The following RAB3IL1 variants were observed in gnomAD, a reference collection of about 807,000 sequenced individuals.
RAB3IL1 encodes guanine nucleotide exchange factor for Rab-3A.
In RAB3IL1, 37 loss-of-function variants were observed where a neutral mutation model predicts 49.2. That is an observed-to-expected ratio of 0.75 (90% CI 0.58 to 0.99). The LOEUF (loss-of-function observed/expected upper bound fraction) is 0.99, where lower values mean the gene tolerates loss of function less well. Among genes scored for constraint, RAB3IL1 ranks in the 50% least tolerant of loss-of-function variants. RAB3IL1 has a pLI of 0.00. For synonymous variants in RAB3IL1, 193 were observed against 213.9 expected (o/e 0.90, Z 0.85); for missense variants, 484 against 513.0 (o/e 0.94, Z 0.55).
At chr11:61,930,115 C>T in the RAB3IL1 span, among the ~76,000 whole-genome samples, 2 of 151,830 alleles carry the variant, frequency 1.3e-5, no homozygotes, top group African/African-American at 2.4e-5. Flanking sequence ...AGGCTGGTCT[C>T]AAACTCCTGG....
intron 8 of RAB3IL1, among the ~76,000 whole-genome samples, chr11:61,901,259 C>T (rs567072166): frequency 3.5e-4 from 53 of 152,304 alleles, no homozygotes; most frequent in African/African-American, 1.3e-3. Flanking sequence ...CCCCTCAATC[C>T]TCTTAAGAGT....
chr11:61,915,059 GC>G (rs2134354257), intron 1 of RAB3IL1, among the ~76,000 whole-genome samples: 1 of 152,230 alleles, frequency 6.6e-6, no homozygotes, highest in African/African-American at 2.4e-5. Flanking sequence ...CAAATGGGGG[GC>G]CATAAAAATA....
At chr11:61,929,412 C>T in the RAB3IL1 span, among the ~76,000 whole-genome samples, 3 of 149,984 alleles carry the variant, frequency 2.0e-5, no homozygotes, top group African/African-American at 7.3e-5. Flanking sequence ...GGCTGAGACA[C>T]AAGAATCGAT....
chr11:61,916,827 G>C (rs1295722866), intron 1 of RAB3IL1, among the ~76,000 whole-genome samples: 1 of 152,100 alleles, frequency 6.6e-6, no homozygotes, highest in Non-Finnish European at 1.5e-5. Context: ...CCCACTCCAG[G>C]CTGCGGGGCC....
the RAB3IL1 span, among the ~76,000 whole-genome samples, chr11:61,939,125 A>G: frequency 1.5e-4 from 23 of 152,178 alleles, no homozygotes; most frequent in South Asian, 4.8e-3. Flanking sequence ...AGGATAGACC[A>G]TATGTTAGAC....
the RAB3IL1 span, among the ~76,000 whole-genome samples, chr11:61,940,856 G>T: frequency 1.3e-5 from 2 of 151,920 alleles, no homozygotes; most frequent in African/African-American, 2.4e-5. Context: ...GGAGGTGGAG[G>T]TTGCAGTGAG....
chr11:61,899,236 G>T, intron 9 of RAB3IL1, 78 bp downstream of exon 9: 1 of 1,466,708 alleles, frequency 6.8e-7, no homozygotes, highest in South Asian at 1.2e-5. Flanking sequence ...ACTAGGGGCA[G>T]GTGGGCCCAG....
At chr11:61,920,453 A>C (rs951700604), upstream of RAB3IL1, among the ~76,000 whole-genome samples, 3 of 151,428 alleles carry the variant, frequency 2.0e-5, no homozygotes, top group African/African-American at 7.3e-5. Context: ...AGACACCTCT[A>C]GGGGAGGCCC....
chr11:61,901,088 G>A lies in RAB3IL1; in HGVS notation c.999+1354C>T, dbSNP rs114927829. Among the ~76,000 whole-genome samples, 683 of 152,198 alleles carry A rather than the reference G, an allele frequency of 4.5e-3. 5 individuals are homozygous for A. The highest frequency in any genetic ancestry group is 0.016 in the African/African-American group (652 of 41,524). Reference sequence around the variant, plus strand: ...CACACCGCTGGGAGGACTCACGCTCGGATGCCTTGTGGAGTTCATCAAGGA... The same window carrying A: ...CACACCGCTGGGAGGACTCACGCTCAGATGCCTTGTGGAGTTCATCAAGGA... On this transcript the variant is annotated intron_variant, in intron 8 of 9. Transcript: ENST00000394836.
At chr11:61,917,270 C>A in intron 1 of RAB3IL1, 87 bp downstream of exon 1, 2 of 1,337,116 alleles carry the variant, frequency 1.5e-6, no homozygotes, top group Non-Finnish European at 1.9e-6. Flanking sequence ...GCGGCGCAGA[C>A]CCGGCGGGGA....
the RAB3IL1 span, among the ~76,000 whole-genome samples, chr11:61,934,426 A>ATGTGTG: frequency 6.9e-3 from 288 of 41,542 alleles, 3 homozygotes; most frequent in African/African-American, 0.017. Context: ...ATATATGTGT[A>ATGTGTG]TGTGTGTGTG....
At chr11:61,915,387 A>G (rs1939634053) in intron 1 of RAB3IL1, among the ~76,000 whole-genome samples, 1 of 152,128 alleles carries the variant, frequency 6.6e-6, no homozygotes, top group Non-Finnish European at 1.5e-5. Context: ...GGTGGCTCTC[A>G]GCTGTGTCTG....
chr11:61,912,079 C>T (rs1256097292), intron 1 of RAB3IL1, among the ~76,000 whole-genome samples: 1 of 152,200 alleles, frequency 6.6e-6, no homozygotes, highest in African/African-American at 2.4e-5. Context: ...GAACTAAAGA[C>T]CCCTGTTGGT....
intron 1 of RAB3IL1, among the ~76,000 whole-genome samples, chr11:61,910,043 C>T (rs1162032234): frequency 6.6e-6 from 1 of 151,886 alleles, no homozygotes; most frequent in Non-Finnish European, 1.5e-5. Flanking sequence ...AAACATAAAA[C>T]TCTCTCAACA....
intron 8 of RAB3IL1, among the ~76,000 whole-genome samples, chr11:61,901,834 G>C (rs1306630487): frequency 6.6e-6 from 1 of 152,242 alleles, no homozygotes; most frequent in Non-Finnish European, 1.5e-5. Context: ...CTGCGACCTT[G>C]CAAGTCCCTG....
Position 61,915,739 on chromosome 11 carries a change from T to C in RAB3IL1, c.11+1618A>G, listed in dbSNP as rs1460320997. 1.3e-5 allele frequency among the ~76,000 whole-genome samples: 2 copies of C among 152,078 alleles called. 1 individual carries two copies. The highest frequency in any genetic ancestry group is 2.9e-5 in the Non-Finnish European group (2 of 68,012). ...CTAGTGGCCTTCAACTCTCTCCCTT[T>C]AAGAGTCTCAAGCCCAGGCCGGGTG... On this transcript the variant is annotated intron_variant, in intron 1 of 9. Transcript: ENST00000394836.
At chr11:61,905,574 G>A (rs1186116051) in intron 5 of RAB3IL1, among the ~76,000 whole-genome samples, 5 of 152,130 alleles carry the variant, frequency 3.3e-5, no homozygotes, top group Non-Finnish European at 5.9e-5. Flanking sequence ...AGACAGACAG[G>A]TAGACAGGTG....
chr11:61,910,123 G>A (rs543307050), intron 1 of RAB3IL1, among the ~76,000 whole-genome samples: 43 of 152,292 alleles, frequency 2.8e-4, no homozygotes, highest in African/African-American at 9.9e-4. Flanking sequence ...ACTTGTCAGG[G>A]GTCACGCAGC....
chr11:61,903,260 A>G (rs986471084), intron 7 of RAB3IL1, among the ~76,000 whole-genome samples: 2 of 152,062 alleles, frequency 1.3e-5, no homozygotes, highest in South Asian at 2.1e-4. Flanking sequence ...TTTGGCCTGC[A>G]TCCCCTTGGC....
Sources: allele counts gnomAD v4.1 joint callset (sites outside exome capture counted in the v4.1 genomes callset), GRCh38; gene constraint gnomAD v4.1.1; transcripts MANE v1.5; gene names NCBI Gene and HGNC (gene_info 2026-07-23, HGNC 2026-07-21).